Variants in TTC6 observed in about 807,000 individuals in gnomAD.
TTC6 encodes the protein tetratricopeptide repeat protein 6.
In TTC6, 172 loss-of-function variants were observed where a neutral mutation model predicts 210.4. The ratio of observed to expected loss-of-function variants is 0.82; its 90% CI spans 0.72 to 0.93. The LOEUF (loss-of-function observed/expected upper bound fraction) is 0.93. TTC6 is among the 40% of genes least tolerant of loss of function. The probability of loss-of-function intolerance (pLI) is 0.00; values close to 1 mark genes in which losing one functional copy is unlikely to be tolerated. For missense variants in TTC6, 2,414 were observed against 2,318.1 expected (o/e 1.04, Z -0.85); for synonymous variants, 804 against 819.6 (o/e 0.98, Z 0.32).
intron 14 of TTC6, among the ~76,000 whole-genome samples, chr14:37,783,244 G>A (rs2096059671): frequency 1.3e-5 from 2 of 152,306 alleles, no homozygotes; most frequent in East Asian, 1.9e-4. Flanking sequence ...ATTCGGCTGT[G>A]AATCTGTCTG....
At chr14:37,709,169 G>C (rs2095840437) in intron 5 of TTC6, among the ~76,000 whole-genome samples, 1 of 151,824 alleles carries the variant, frequency 6.6e-6, no homozygotes. Flanking sequence ...CCTTGTTCTT[G>C]CTGCATAATC....
intron 24 of TTC6, among the ~76,000 whole-genome samples, chr14:37,809,469 GTC>G (rs368330365): frequency 6.9e-4 from 105 of 152,150 alleles, no homozygotes; most frequent in African/African-American, 2.4e-3. Flanking sequence ...AGCCAGAATG[GTC>G]TCAATCTCCT....
intron 14 of TTC6, among the ~76,000 whole-genome samples, chr14:37,759,563 C>T (rs367730363): frequency 3.3e-5 from 5 of 151,734 alleles, no homozygotes; most frequent in East Asian, 1.9e-4. Context: ...CGCTAGATTG[C>T]GGTTCTCCCG....
intron 1 of TTC6, among the ~76,000 whole-genome samples, chr14:37,673,388 C>T (rs2095762303): frequency 6.6e-6 from 1 of 152,124 alleles, no homozygotes. Flanking sequence ...CTTTCTAAAC[C>T]TTGAACTTTA....
intron 27 of TTC6, among the ~76,000 whole-genome samples, chr14:37,825,725 A>G (rs147437317): frequency 6.6e-6 from 1 of 152,276 alleles, no homozygotes; most frequent in African/African-American, 2.4e-5. Flanking sequence ...GATTTATCAG[A>G]ATATGTTTAC....
intron 8 of TTC6, among the ~76,000 whole-genome samples, chr14:37,736,962 G>C (rs1279669126): frequency 2.6e-5 from 4 of 151,912 alleles, no homozygotes; most frequent in African/African-American, 9.7e-5. Context: ...TCACTATGTT[G>C]CCCAGACTGG....
intron 28 of TTC6, among the ~76,000 whole-genome samples, chr14:37,826,732 A>T (rs1329619596): frequency 2.0e-5 from 3 of 152,050 alleles, no homozygotes; most frequent in African/African-American, 7.2e-5. Context: ...TAAAAATCTC[A>T]TGTTGAATGC....
chr14:37,650,896 C>A (rs2095710021), intron 1 of TTC6, among the ~76,000 whole-genome samples: 1 of 152,124 alleles, frequency 6.6e-6, no homozygotes, highest in African/African-American at 2.4e-5. Context: ...ATAACGCTGA[C>A]CTTGGGGGCT....
chr14:37,619,125 A>G (rs1240339817), upstream of TTC6, among the ~76,000 whole-genome samples: 2 of 152,202 alleles, frequency 1.3e-5, no homozygotes, highest in African/African-American at 4.8e-5. Context: ...GGCTTTAGAA[A>G]TAATTTCTAA....
chr14:37,781,385 A>G (rs2096054296), intron 14 of TTC6, among the ~76,000 whole-genome samples: 1 of 152,146 alleles, frequency 6.6e-6, no homozygotes, highest in Non-Finnish European at 1.5e-5. Context: ...ACCAGTGATG[A>G]TGAGCATTTT....
intron 6 of TTC6, among the ~76,000 whole-genome samples, chr14:37,722,723 G>A (rs1241961579): frequency 2.0e-4 from 31 of 152,112 alleles, no homozygotes; most frequent in Non-Finnish European, 7.4e-5. Flanking sequence ...ATCAGGTATC[G>A]GGTATATACT....
intron 6 of TTC6, among the ~76,000 whole-genome samples, chr14:37,723,493 C>T (rs2095865806): frequency 6.6e-6 from 1 of 152,102 alleles, no homozygotes; most frequent in Non-Finnish European, 1.5e-5. Context: ...CTCTAATCTA[C>T]CTCATGGGTC....
chr14:37,729,155 C>A (rs12889959), intron 7 of TTC6, among the ~76,000 whole-genome samples: 83,647 of 152,046 alleles, frequency 0.55, 23,704 homozygotes, highest in African/African-American at 0.68. Context: ...TATTTCAAAT[C>A]TTAGAAGATT....
intron 5 of TTC6, among the ~76,000 whole-genome samples, chr14:37,708,980 T>C (rs1181766456): frequency 3.9e-5 from 6 of 152,172 alleles, no homozygotes; most frequent in African/African-American, 1.2e-4. Flanking sequence ...TGCTAGACCT[T>C]TCTAATTACA....
At chr14:37,611,857 C>G (rs754950988) in intron 2 of TTC6, among the ~76,000 whole-genome samples, 1 of 152,034 alleles carries the variant, frequency 6.6e-6, no homozygotes, top group Non-Finnish European at 1.5e-5. Flanking sequence ...GACCAGTTTC[C>G]TGAGTTTGGC....
intron 1 of TTC6, among the ~76,000 whole-genome samples, chr14:37,627,061 T>A (rs1445406996): frequency 6.6e-6 from 1 of 152,104 alleles, no homozygotes; most frequent in African/African-American, 2.4e-5. Context: ...GGGAGAGTTC[T>A]TGCAAGATCT....
chr14:37,599,503 A>T (rs1209618727), intron 1 of TTC6, among the ~76,000 whole-genome samples: 1 of 152,166 alleles, frequency 6.6e-6, no homozygotes. Context: ...GCAAACAAAC[A>T]AAAACAGCCA....
At position 37,665,936 on chromosome 14, in the gene TTC6, A is replaced by G. The variant is rs534771784; in HGVS notation, c.940-14215A>G. 2.9e-4 allele frequency among the ~76,000 whole-genome samples: 43 copies of G among 150,570 alleles called. 2 individuals carry two copies. The highest frequency in any genetic ancestry group is 4.2e-4 in the Non-Finnish European group (28 of 67,092). ...GCACACACCAGAGCCTTGATTTAGCATTACTTCTTTCCCCTCTTCTACCTC... is the reference window on the plus strand; with the variant it reads ...GCACACACCAGAGCCTTGATTTAGCGTTACTTCTTTCCCCTCTTCTACCTC... On this transcript the variant is annotated intron_variant, in intron 1 of 30. Coordinates refer to ENST00000553443, the Ensembl canonical transcript of TTC6.
chr14:37,759,364 G>A (rs1234928072), intron 14 of TTC6, among the ~76,000 whole-genome samples: 2 of 152,136 alleles, frequency 1.3e-5, no homozygotes, highest in African/African-American at 4.8e-5. Context: ...TTTCTGCAGA[G>A]AAATCCACTG....
Sources: allele counts gnomAD v4.1 joint callset (sites outside exome capture counted in the v4.1 genomes callset), GRCh38; gene constraint gnomAD v4.1.1; transcripts MANE v1.5; gene names NCBI Gene and HGNC (gene_info 2026-07-23, HGNC 2026-07-21).